The following NUP214 variants were observed in gnomAD, a reference collection of about 807,000 sequenced individuals.
The protein encoded by NUP214 is nuclear pore complex protein Nup214.
A neutral mutation model predicts 196.2 loss-of-function variants in NUP214; 79 were observed. That is an observed-to-expected ratio of 0.40 (90% confidence interval 0.34 to 0.49). The LOEUF is 0.49. Among genes scored for constraint, NUP214 ranks in the 20% least tolerant of loss-of-function variants. The pLI is 0.58. For synonymous variants in NUP214, 1,020 were observed against 990.5 expected, an observed-to-expected ratio of 1.03 and a Z score of -0.56; for missense variants, 2,468 against 2,539.0, an observed-to-expected ratio of 0.97 and a Z score of 0.60.
intron 30 of NUP214, among the ~76,000 whole-genome samples, 157 bp from the exon 31 acceptor site, chr9:131,215,055 G>C (rs1380702123): frequency 6.6e-6 from 1 of 152,204 alleles, no homozygotes; most frequent in Non-Finnish European, 1.5e-5. Flanking sequence ...CCTGTCCAGA[G>C]TCTAGCTTCT....
At chr9:131,220,506 T>G (rs1412505966) in intron 31 of NUP214, among the ~76,000 whole-genome samples, 3 of 152,198 alleles carry the variant, frequency 2.0e-5, no homozygotes, top group African/African-American at 7.2e-5. Context: ...TGAAAAGGAT[T>G]TGATTATCTC....
intron 24 of NUP214, among the ~76,000 whole-genome samples, chr9:131,180,806 A>G (rs1361503539): frequency 1.3e-5 from 2 of 152,208 alleles, no homozygotes; most frequent in African/African-American, 4.8e-5. Context: ...TGCCAATTAC[A>G]CAAACACTTA....
At chr9:131,197,019 C>T (rs1833807473) in intron 28 of NUP214, among the ~76,000 whole-genome samples, 197 bp from the exon 29 acceptor site, 1 of 152,098 alleles carries the variant, frequency 6.6e-6, no homozygotes, top group Non-Finnish European at 1.5e-5. Flanking sequence ...TTCCTTTTCA[C>T]CTCAGACGAC....
At chr9:131,153,204 G>A (rs568567089) in intron 17 of NUP214, 9 of 152,240 alleles carry the variant, frequency 5.9e-5, no homozygotes, top group African/African-American at 1.9e-4. Flanking sequence ...GAATTCCAGC[G>A]GGAAGCGTTC....
chr9:131,163,253 T>A, intron 19 of NUP214, 80 bp downstream of exon 19: 1 of 1,409,220 alleles, frequency 7.1e-7, no homozygotes, highest in South Asian at 1.4e-5. Flanking sequence ...GGTTCAGATA[T>A]GGGTTTGCAA....
intron 24 of NUP214, among the ~76,000 whole-genome samples, chr9:131,184,886 A>C (rs554294040): frequency 5.3e-5 from 8 of 152,290 alleles, no homozygotes; most frequent in Non-Finnish European, 1.2e-4. Flanking sequence ...TGTTTTCAGT[A>C]TCTTCTATCA....
intron 21 of NUP214, among the ~76,000 whole-genome samples, chr9:131,168,311 A>G (rs1278780410): frequency 6.6e-6 from 1 of 152,210 alleles, no homozygotes; most frequent in Non-Finnish European, 1.5e-5. Context: ...GTAGGTATGC[A>G]CCTTTATTAT....
intron 23 of NUP214, among the ~76,000 whole-genome samples, chr9:131,177,812 A>T (rs1833158481): frequency 6.6e-6 from 1 of 152,076 alleles, no homozygotes; most frequent in South Asian, 2.1e-4. Flanking sequence ...TCCACATTTT[A>T]TTCATTATGC....
At chr9:131,217,822 T>G (rs890382551) in intron 31 of NUP214, among the ~76,000 whole-genome samples, 3 of 152,270 alleles carry the variant, frequency 2.0e-5, no homozygotes, top group African/African-American at 7.2e-5. Context: ...GCCATGGCTC[T>G]TGACTGTCAA....
rs11244297 is a variant in NUP214 at position 131,125,865 on chromosome 9, C to T, written c.45+116C>T. ...CGCCTCCTGCTTGAACAGTTTACCG[C>T]GTTCACAGCTCTCACCAGCGCGTCT... On this transcript the variant is annotated intron_variant, in intron 1 of 35. Coordinates refer to ENST00000359428, the MANE Select transcript of NUP214 (RefSeq NM_005085.4). The surrounding 1 kb of genome is among the most constrained non-coding windows in gnomAD (Gnocchi z 4.1). 0.011 allele frequency: 13,392 copies of T among 1,207,900 alleles called. 655 individuals are homozygous for T. The African/African-American group carries it at 0.14, about 13-fold the overall frequency. The allele number at this position is 1,207,900 out of a possible 1,614,324, so 74.8% of individuals were successfully genotyped here.
chr9:131,181,396 A>G (rs1833274721), intron 24 of NUP214, among the ~76,000 whole-genome samples: 1 of 152,192 alleles, frequency 6.6e-6, no homozygotes, highest in South Asian at 2.1e-4. Flanking sequence ...GCTGGATTAC[A>G]TAGCTCAAAC....
chr9:131,129,136 TA>T, intron 3 of NUP214, 142 bp from the exon 4 acceptor site: 1 of 723,368 alleles, frequency 1.4e-6, no homozygotes, highest in Non-Finnish European at 2.3e-6. Context: ...GATTGATGCA[TA>T]AAACAATCTT....
chr9:131,144,782 C>T, intron 12 of NUP214, 28 bp downstream of exon 12: 1 of 1,477,718 alleles, frequency 6.8e-7, no homozygotes, highest in Non-Finnish European at 9.3e-7. Context: ...TTTGATTCTT[C>T]TGTGAGTTGG....
intron 17 of NUP214, among the ~76,000 whole-genome samples, chr9:131,156,928 C>T (rs1427527247): frequency 6.6e-6 from 1 of 152,128 alleles, no homozygotes; most frequent in Non-Finnish European, 1.5e-5. Context: ...AGCACATTAT[C>T]TCCATTTGTA....
At chr9:131,152,151 G>C (rs1402805402) in intron 17 of NUP214, among the ~76,000 whole-genome samples, 1 of 152,024 alleles carries the variant, frequency 6.6e-6, no homozygotes, top group African/African-American at 2.4e-5. Flanking sequence ...TTCTCACTCT[G>C]TTGCCCAGGC....
chr9:131,221,189 G>C (rs144745440), intron 31 of NUP214, among the ~76,000 whole-genome samples: 76 of 152,292 alleles, frequency 5.0e-4, no homozygotes, highest in African/African-American at 1.8e-3. Context: ...CCATTTTGTG[G>C]GACTCCGTCA....
chr9:131,200,314 G>A (rs112188669), intron 29 of NUP214, among the ~76,000 whole-genome samples: 6,147 of 152,370 alleles, frequency 0.04, 161 homozygotes, highest in African/African-American at 0.077. Context: ...GGCGACTGAC[G>A]CCTGTAATCC....
intron 5 of NUP214, among the ~76,000 whole-genome samples, chr9:131,131,551 T>C (rs1013549998): frequency 2.0e-5 from 3 of 152,244 alleles, no homozygotes; most frequent in African/African-American, 4.8e-5. Context: ...AGGTTAAGGT[T>C]ATGTTTCTTA....
chr9:131,158,497 A>G (rs1261010652), intron 17 of NUP214, among the ~76,000 whole-genome samples: 3 of 152,272 alleles, frequency 2.0e-5, no homozygotes, highest in Non-Finnish European at 2.9e-5. Flanking sequence ...AAAATTTTAA[A>G]TAATGACAGA....
Sources: gnomAD v4.1 joint callset for allele counts (sites outside exome capture counted in the v4.1 genomes callset) on GRCh38, gnomAD v4.1.1 for gene constraint, Gnocchi (gnomAD v3.1) non-coding constraint, MANE v1.5 for transcripts, NCBI Gene and HGNC (gene_info 2026-07-23, HGNC 2026-07-21) for gene names.